Variants in PPA2 observed in about 807,000 individuals in gnomAD.
The protein encoded by PPA2 is inorganic pyrophosphatase 2, mitochondrial.
A neutral mutation model predicts 49.5 loss-of-function variants in PPA2; 48 were observed. That is an observed-to-expected ratio of 0.97 (90% CI 0.77 to 1.23). The LOEUF is 1.23. PPA2 is among the 50% of genes most tolerant of loss of function. The pLI is 0.00. For missense variants in PPA2, 429 were observed against 410.1 expected, an observed-to-expected ratio of 1.05 and a Z score of -0.40; for synonymous variants, 131 against 139.9, an observed-to-expected ratio of 0.94 and a Z score of 0.45.
intron 8 of PPA2, among the ~76,000 whole-genome samples, chr4:105,396,836 G>A (rs1463335356): frequency 6.6e-6 from 1 of 152,170 alleles, no homozygotes; most frequent in African/African-American, 2.4e-5. Flanking sequence ...TATGTAAAGT[G>A]CTTAACCCAG....
intron 7 of PPA2, among the ~76,000 whole-genome samples, chr4:105,408,571 G>A (rs891848145): frequency 3.3e-5 from 5 of 152,148 alleles, no homozygotes; most frequent in African/African-American, 1.2e-4. Context: ...AGATATTTGA[G>A]GTCAAATTGA....
At chr4:105,381,568 A>G (rs985008540) in intron 10 of PPA2, among the ~76,000 whole-genome samples, 1 of 152,040 alleles carries the variant, frequency 6.6e-6, no homozygotes, top group Non-Finnish European at 1.5e-5. Context: ...AAGTTTATTT[A>G]GGTTTTCTAT....
intron 8 of PPA2, chr4:105,398,453 T>C (rs1734231814): frequency 1.3e-5 from 2 of 152,140 alleles, no homozygotes; most frequent in Non-Finnish European, 2.9e-5. Context: ...TAAAAGTTGG[T>C]TTCAAATATT....
At chr4:105,407,750 T>G (rs1358930130) in intron 7 of PPA2, among the ~76,000 whole-genome samples, 1 of 152,172 alleles carries the variant, frequency 6.6e-6, no homozygotes, top group Non-Finnish European at 1.5e-5. Context: ...ATGTGAATAA[T>G]CACTGATGCC....
intron 7 of PPA2, 34 bp from the exon 8 acceptor site, chr4:105,399,198 A>G (rs1386278752): frequency 5.1e-6 from 8 of 1,570,152 alleles, no homozygotes; most frequent in Middle Eastern, 1.7e-4. Flanking sequence ...TGTTTTGTTA[A>G]GAACCAAAAT....
At chr4:105,445,518 C>T (rs1355221797) in intron 5 of PPA2, among the ~76,000 whole-genome samples, 1 of 152,010 alleles carries the variant, frequency 6.6e-6, no homozygotes, top group Non-Finnish European at 1.5e-5. Flanking sequence ...AATGTTTATT[C>T]TACACGGGCA....
intron 5 of PPA2, among the ~76,000 whole-genome samples, chr4:105,444,819 C>T (rs79920349): frequency 0.016 from 2,420 of 152,224 alleles, 58 homozygotes; most frequent in African/African-American, 0.055. Flanking sequence ...GGGAAAGAAC[C>T]ATACGATAAT....
intron 7 of PPA2, among the ~76,000 whole-genome samples, chr4:105,414,068 C>G (rs113022429): frequency 0.03 from 4,552 of 152,066 alleles, 205 homozygotes; most frequent in African/African-American, 0.094. Flanking sequence ...AGAGAAGATA[C>G]AAATAAGCCA....
At position 105,446,923 on chromosome 4, in the gene PPA2, T is replaced by C. The variant is rs775075861; in HGVS notation, c.322-421A>G. Among the ~76,000 whole-genome samples the C allele has an allele frequency of 2.7e-4, 41 of 152,222 alleles. No individual in the cohort carries two copies. The Middle Eastern group carries it at 0.017, about 63-fold the overall frequency. On this transcript the variant is annotated intron_variant, in intron 4 of 11. Coordinates refer to ENST00000341695, the MANE Select transcript of PPA2 (RefSeq NM_176869.3). ...AATGCTGAAAGCCTTTCCTCTAAGA[T>C]TTGGAAAAAGAAAAGGATGCCCACT... is the stretch of plus-strand genomic sequence containing the variant.
chr4:105,474,017 C>T lies in PPA2; in HGVS notation c.34G>A (p.Ala12Thr), dbSNP rs761213196. The T allele has an allele frequency of 1.2e-6, 2 of 1,600,580 alleles. No individual in the cohort carries two copies. Among genetic ancestry groups the T allele is most frequent in the African/African-American group, 1.3e-5 (1 of 74,494 alleles). ...AACCGCAGGCACGCAGCGGCTGGGG[C>T]ACCCGTGCGCAGCAGCCGCAGCAGC... Reference protein sequence around the residue: ...SALLRLLRTGAPAAACLRLGT... With the variant: ...SALLRLLRTGTPAAACLRLGT... The change falls in exon 1 of 12, where the codon GCC becomes ACC. Residue 12 changes from alanine to threonine, a missense_variant. Physicochemically the swap from Ala to Thr is moderately conservative, Grantham distance 58. Transcript: ENST00000341695.
At chr4:105,421,406 A>G (rs981322590) in intron 7 of PPA2, among the ~76,000 whole-genome samples, 3 of 152,142 alleles carry the variant, frequency 2.0e-5, no homozygotes, top group African/African-American at 7.2e-5. Flanking sequence ...TACTTTTTTT[A>G]TACTTCTGAG....
intron 4 of PPA2, among the ~76,000 whole-genome samples, chr4:105,449,036 G>GTGAA (rs1229606579): frequency 1.6e-5 from 2 of 128,238 alleles, no homozygotes; most frequent in Admixed American, 7.2e-5. Flanking sequence ...GGCTAAAACG[G>GTGAA]TGAAACCCCG....
At chr4:105,443,125 A>C (rs947524720) in intron 5 of PPA2, among the ~76,000 whole-genome samples, 1 of 152,148 alleles carries the variant, frequency 6.6e-6, no homozygotes, top group Admixed American at 6.6e-5. Flanking sequence ...GGTGTTATAG[A>C]AAAGGGAAAT....
At chr4:105,427,594 A>G (rs1723580983) in intron 6 of PPA2, among the ~76,000 whole-genome samples, 1 of 152,132 alleles carries the variant, frequency 6.6e-6, no homozygotes, top group Non-Finnish European at 1.5e-5. Flanking sequence ...ACAAGACAGG[A>G]TATCAGTGAC....
intron 9 of PPA2, among the ~76,000 whole-genome samples, chr4:105,394,777 G>A (rs1249119635): frequency 2.0e-5 from 3 of 152,098 alleles, no homozygotes; most frequent in Non-Finnish European, 2.9e-5. Context: ...TGTAGCTGAG[G>A]AAACCTGGGG....
chr4:105,455,133 A>G (rs1289253549), intron 2 of PPA2, among the ~76,000 whole-genome samples: 2 of 152,230 alleles, frequency 1.3e-5, no homozygotes, highest in African/African-American at 4.8e-5. Context: ...CTACACCCAC[A>G]GTGCCTAGAA....
chr4:105,391,144 A>G (rs1733900936), intron 9 of PPA2, among the ~76,000 whole-genome samples: 1 of 152,072 alleles, frequency 6.6e-6, no homozygotes, highest in South Asian at 2.1e-4. Flanking sequence ...ATCAGAACAC[A>G]TGGACACAGG....
intron 6 of PPA2, among the ~76,000 whole-genome samples, chr4:105,431,628 T>G (rs1001322742): frequency 3.3e-5 from 5 of 152,166 alleles, no homozygotes; most frequent in Non-Finnish European, 7.3e-5. Context: ...AACTCATACA[T>G]GAATGTTCAT....
intron 1 of PPA2, among the ~76,000 whole-genome samples, chr4:105,469,340 A>G (rs1723431095): frequency 6.6e-6 from 1 of 152,164 alleles, no homozygotes; most frequent in Admixed American, 6.5e-5. Context: ...TTATTCTAGC[A>G]TTTTCTAAGT....
Sources: allele counts gnomAD v4.1 joint callset (sites outside exome capture counted in the v4.1 genomes callset), GRCh38; gene constraint gnomAD v4.1.1; transcripts MANE v1.5; gene names NCBI Gene and HGNC (gene_info 2026-07-23, HGNC 2026-07-21).